The following MAPK8 variants were observed in gnomAD, a reference collection of about 807,000 sequenced individuals.
The protein encoded by MAPK8 is JUN N-terminal kinase.
In MAPK8, 13 loss-of-function variants were observed where a neutral mutation model predicts 52.9. The ratio of observed to expected loss-of-function variants is 0.25; its 90% CI spans 0.16 to 0.39. The LOEUF (loss-of-function observed/expected upper bound fraction) is 0.39, where lower values mean the gene tolerates loss of function less well. Among genes scored for constraint, MAPK8 ranks in the 10% least tolerant of loss-of-function variants. The pLI is 1.00. For synonymous variants in MAPK8, 191 were observed against 169.8 expected (o/e 1.12, Z -0.97); for missense variants, 300 against 519.2 (o/e 0.58, Z 4.10).
At chr10:48,349,182 G>A (rs1169166510) in intron 1 of MAPK8, among the ~76,000 whole-genome samples, 2 of 152,058 alleles carry the variant, frequency 1.3e-5, no homozygotes, top group Admixed American at 6.6e-5. Context: ...AATAGTGGGC[G>A]ACTTAATACC....
At chr10:48,392,581 C>A (rs1453161932) in intron 1 of MAPK8, among the ~76,000 whole-genome samples, 1 of 151,972 alleles carries the variant, frequency 6.6e-6, no homozygotes, top group Non-Finnish European at 1.5e-5. Context: ...CACACATGTG[C>A]TCTGGATCCC....
At chr10:48,388,837 C>A (rs1341463509) in intron 1 of MAPK8, among the ~76,000 whole-genome samples, 1 of 152,122 alleles carries the variant, frequency 6.6e-6, no homozygotes, top group African/African-American at 2.4e-5. Flanking sequence ...TCATATGGCT[C>A]TACTACCTTA....
At chr10:48,349,520 A>G (rs1388115688) in intron 1 of MAPK8, among the ~76,000 whole-genome samples, 7 of 152,218 alleles carry the variant, frequency 4.6e-5, no homozygotes, top group Non-Finnish European at 8.8e-5. Context: ...CTGAATGACT[A>G]CTGGGTAAAT....
At chr10:48,424,197 G>A (rs1295947024) in intron 7 of MAPK8, 38 bp downstream of exon 7, 6 of 1,530,794 alleles carry the variant, frequency 3.9e-6, no homozygotes, top group East Asian at 2.3e-5. Flanking sequence ...TTAGTTAGGC[G>A]ATGAACTTCT....
intron 1 of MAPK8, among the ~76,000 whole-genome samples, chr10:48,311,957 T>G (rs1167579321): frequency 6.6e-6 from 1 of 152,224 alleles, no homozygotes; most frequent in Non-Finnish European, 1.5e-5. Context: ...GAAGTCAGTT[T>G]CTACCCTCAG....
chr10:48,379,679 A>G (rs891431259), intron 1 of MAPK8, among the ~76,000 whole-genome samples: 1 of 152,176 alleles, frequency 6.6e-6, no homozygotes, highest in African/African-American at 2.4e-5. Flanking sequence ...TGATTAAAAA[A>G]TCATTTCAGT....
At chr10:48,420,365 TTTCTTTA>T (rs757956274) in intron 6 of MAPK8, 45 bp downstream of exon 6, 2 of 1,496,964 alleles carry the variant, frequency 1.3e-6, no homozygotes, top group Admixed American at 2.0e-5. Flanking sequence ...ATTTAGCTTT[TTTCTTTA>T]TTCAGTAGAT....
Position 48,334,289 on chromosome 10 carries a change from G to A in MAPK8, c.-50+27468G>A, listed in dbSNP as rs1056455758. Reference sequence around the variant, plus strand: ...ATTTTCAGTCAGTCTCTGTGTCTGAGCTTTTCCCTGTGTACTCAACTCCCC... The same window carrying A: ...ATTTTCAGTCAGTCTCTGTGTCTGAACTTTTCCCTGTGTACTCAACTCCCC... On this transcript the variant is annotated intron_variant, in intron 1 of 11. Transcript: ENST00000374189. Among the ~76,000 whole-genome samples, 7 of 152,140 alleles carry A rather than the reference G, an allele frequency of 4.6e-5. No homozygotes were observed. In the South Asian group the frequency reaches 1.4e-3, roughly 31 times the overall value.
chr10:48,329,229 CT>C (rs1480492629), intron 1 of MAPK8, among the ~76,000 whole-genome samples: 1 of 152,166 alleles, frequency 6.6e-6, no homozygotes, highest in Admixed American at 6.5e-5. Context: ...TGTGCTGCCC[CT>C]CTTTCCTCTG....
In MAPK8 at chr10:48,426,118, G is replaced by A. The variant is rs372016579; in HGVS notation, c.871+48G>A. ...TTTAATCCCATTTGGGGTGTGTAGT[G>A]TGTGTGTATGGGTTTGTGTGTTTAT... On this transcript the variant is annotated intron_variant, in intron 8 of 11. Transcript: ENST00000374189. 101 of 1,482,244 alleles carry A rather than the reference G, an allele frequency of 6.8e-5. 1 individual carries two copies. The highest frequency in any genetic ancestry group is 8.8e-5 in the Non-Finnish European group (96 of 1,084,952). 91.8% of individuals were successfully genotyped at this position (1,482,244 alleles called of 1,614,324 possible). A position where few individuals can be genotyped will look rare whatever the true frequency, so the allele number is the denominator to read the frequency against.
rs117144856 is a variant in MAPK8 at position 48,325,627 on chromosome 10, C to T, written c.-50+18806C>T. Among the ~76,000 whole-genome samples, 118 of 152,302 alleles carry T rather than the reference C, an allele frequency of 7.7e-4. 1 individual carries two copies. In the East Asian group the frequency reaches 0.022, roughly 28 times the overall value. ...TCCTATAATTAACATCGTATGTTTG[C>T]ATGGCACATTTATTACAATTAGTGA... On this transcript the variant is annotated intron_variant, in intron 1 of 11. Coordinates refer to ENST00000374189, the MANE Select transcript of MAPK8 (RefSeq NM_001323329.2).
chr10:48,342,194 C>A (rs1394257113), intron 1 of MAPK8, among the ~76,000 whole-genome samples: 3 of 152,154 alleles, frequency 2.0e-5, no homozygotes, highest in South Asian at 2.1e-4. Context: ...GCCTCAACTT[C>A]CCAGGCTCAA....
chr10:48,316,658 TGA>T (rs1424862160), intron 1 of MAPK8, among the ~76,000 whole-genome samples: 1 of 151,782 alleles, frequency 6.6e-6, no homozygotes. Flanking sequence ...AGCACAGGAG[TGA>T]GAGGGTGCAA....
intron 1 of MAPK8, among the ~76,000 whole-genome samples, chr10:48,324,503 G>GTTTTTTTTTTTTGGTTTTTTTTTTTT (rs1843293690): frequency 3.4e-5 from 4 of 118,014 alleles, no homozygotes; most frequent in Admixed American, 1.9e-4. Context: ...CTGTTTTCTA[G>GTTTTTTTTTTTTGGTTTTTTTTTTTT]TTTTTTTTTT....
intron 1 of MAPK8, among the ~76,000 whole-genome samples, chr10:48,372,007 C>T (rs147689156): frequency 9.2e-5 from 14 of 152,150 alleles, no homozygotes; most frequent in South Asian, 4.2e-4. Context: ...AGCTATGCCA[C>T]GCTCTGGGAA....
At chr10:48,363,160 G>A (rs11101303) in intron 1 of MAPK8, among the ~76,000 whole-genome samples, 7,061 of 152,166 alleles carry the variant, frequency 0.046, 551 homozygotes, top group African/African-American at 0.16. Context: ...CCATCCTCAC[G>A]CCTCAGCCTC....
intron 3 of MAPK8, 84 bp from the exon 4 acceptor site, chr10:48,409,791 GTTTT>G: frequency 1.1e-6 from 1 of 871,676 alleles, no homozygotes; most frequent in East Asian, 2.6e-5. Flanking sequence ...ACTGATGGTA[GTTTT>G]TTTTAACTCA....
At chr10:48,343,523 C>G (rs1358490461) in intron 1 of MAPK8, among the ~76,000 whole-genome samples, 5 of 152,070 alleles carry the variant, frequency 3.3e-5, no homozygotes, top group Non-Finnish European at 7.3e-5. Flanking sequence ...TTCAAGGTAG[C>G]ATTTTTGAAC....
intron 1 of MAPK8, among the ~76,000 whole-genome samples, chr10:48,335,385 A>G (rs1048407349): frequency 6.6e-6 from 1 of 152,198 alleles, no homozygotes; most frequent in Non-Finnish European, 1.5e-5. Flanking sequence ...AAAAGTATAA[A>G]GGAATAGTGA....
Sources: gnomAD v4.1 joint callset for allele counts (sites outside exome capture counted in the v4.1 genomes callset) on GRCh38, gnomAD v4.1.1 for gene constraint, MANE v1.5 for transcripts, NCBI Gene and HGNC (gene_info 2026-07-23, HGNC 2026-07-21) for gene names.